Variants in DCLK2 observed in about 807,000 individuals in gnomAD.
The protein encoded by DCLK2 is doublecortin like kinase 2, also known as serine/threonine-protein kinase DCLK2.
DCLK2 carries 31 observed loss-of-function variants against 78.4 expected under a neutral mutation model. The observed-to-expected ratio is 0.40, with a 90% CI of 0.30 to 0.53. The LOEUF (loss-of-function observed/expected upper bound fraction) is 0.53. Ranked by LOEUF, DCLK2 falls within the 20% of genes least tolerant of loss-of-function variation. DCLK2 has a pLI of 0.61. For synonymous variants in DCLK2, 407 were observed against 374.9 expected, an observed-to-expected ratio of 1.09 and a Z score of -0.99; for missense variants, 872 against 973.7, an observed-to-expected ratio of 0.90 and a Z score of 1.39.
intron 1 of DCLK2, among the ~76,000 whole-genome samples, chr4:150,084,921 A>C (rs950512482): frequency 1.3e-5 from 2 of 152,104 alleles, no homozygotes; most frequent in African/African-American, 4.8e-5. Flanking sequence ...CCATTACCGT[A>C]AGGATTAGAG....
intron 10 of DCLK2, among the ~76,000 whole-genome samples, chr4:150,233,301 T>G (rs1473204092): frequency 6.6e-6 from 1 of 152,208 alleles, no homozygotes; most frequent in Non-Finnish European, 1.5e-5. Context: ...GCTTCCATAA[T>G]CAAGTCACCT....
At chr4:150,195,587 G>T (rs1738977295) in intron 3 of DCLK2, among the ~76,000 whole-genome samples, 1 of 137,108 alleles carries the variant, frequency 7.3e-6, no homozygotes, top group South Asian at 2.3e-4. Flanking sequence ...TGAAAGCTGA[G>T]CCACTGAAAC....
intron 2 of DCLK2, among the ~76,000 whole-genome samples, chr4:150,190,033 T>TGAAAAAAAAAAAAAAAAAAAAA (rs1738280164): frequency 2.1e-4 from 1 of 4,676 alleles, no homozygotes; most frequent in Non-Finnish European, 9.8e-4. Flanking sequence ...AGACCCTGTC[T>TGAAAAAAAAAAAAAAAAAAAAA]CAAAAAAAAA....
At chr4:150,240,144 G>A (rs747075925) in intron 11 of DCLK2, among the ~76,000 whole-genome samples, 1 of 152,142 alleles carries the variant, frequency 6.6e-6, no homozygotes, top group Non-Finnish European at 1.5e-5. Context: ...ATGCTTACCT[G>A]GCCAGAGCCC....
intron 2 of DCLK2, among the ~76,000 whole-genome samples, chr4:150,134,076 CTTTT>C (rs768954755): frequency 4.2e-5 from 4 of 94,848 alleles, no homozygotes; most frequent in South Asian, 3.6e-4. Flanking sequence ...CGTATAAACT[CTTTT>C]TTTTTTTTTT....
intron 1 of DCLK2, 45 bp from the exon 2 acceptor site, chr4:150,102,433 A>G: frequency 2.5e-6 from 4 of 1,575,172 alleles, no homozygotes; most frequent in Non-Finnish European, 3.5e-6. Flanking sequence ...AAATGCTTCT[A>G]TGATAGAGAT....
intron 2 of DCLK2, among the ~76,000 whole-genome samples, chr4:150,130,469 A>G (rs560405117): frequency 6.6e-6 from 1 of 152,080 alleles, no homozygotes; most frequent in Non-Finnish European, 1.5e-5. Context: ...ACGAACATGC[A>G]TGCACGTACA....
At chr4:150,244,596 A>G (rs17631959) in intron 12 of DCLK2, among the ~76,000 whole-genome samples, 96 of 152,288 alleles carry the variant, frequency 6.3e-4, no homozygotes, top group Admixed American at 2.5e-3. Flanking sequence ...CAAAGGCTAT[A>G]TTGTTTTAGA....
chr4:150,134,076 CTTTTTTTT>C (rs768954755), intron 2 of DCLK2, among the ~76,000 whole-genome samples: 3 of 94,850 alleles, frequency 3.2e-5, no homozygotes, highest in Non-Finnish European at 6.0e-5. Flanking sequence ...CGTATAAACT[CTTTTTTTT>C]TTTTTTTTTT....
intron 5 of DCLK2, among the ~76,000 whole-genome samples, chr4:150,214,364 G>A (rs1279686192): frequency 6.6e-6 from 1 of 152,178 alleles, no homozygotes; most frequent in Non-Finnish European, 1.5e-5. Context: ...TAAGATGTGA[G>A]GAAAGAATGG....
At chr4:150,226,869 A>G (rs961891189) in intron 8 of DCLK2, among the ~76,000 whole-genome samples, 6 of 152,202 alleles carry the variant, frequency 3.9e-5, no homozygotes, top group African/African-American at 1.2e-4. Flanking sequence ...AAAAAATTAT[A>G]TAGAGAATTT....
Position 150,246,131 on chromosome 4 carries a change from G to A in DCLK2, c.1779-1472G>A, listed in dbSNP as rs1047545947. Among the ~76,000 whole-genome samples, 7 of 150,636 alleles carry A rather than the reference G, an allele frequency of 4.6e-5. No individual in the cohort carries two copies. In the East Asian group the frequency reaches 5.9e-4, roughly 13 times the overall value. On this transcript the variant is annotated intron_variant, in intron 12 of 15. Coordinates refer to ENST00000296550, the MANE Select transcript of DCLK2 (RefSeq NM_001040260.4). Reference sequence around the variant, plus strand: ...GCGATCTCAGCTCACTGCAACCTCCGCCTCCCAGGTTCAAGGGATTCTCCT... The same window carrying A: ...GCGATCTCAGCTCACTGCAACCTCCACCTCCCAGGTTCAAGGGATTCTCCT...
chr4:150,254,960 G>A (rs1744455146), intron 15 of DCLK2, among the ~76,000 whole-genome samples: 1 of 152,164 alleles, frequency 6.6e-6, no homozygotes, highest in African/African-American at 2.4e-5. Context: ...TTACAGGTGT[G>A]AGCCACTGCA....
Position 150,102,494 on chromosome 4 carries a change from T to C in DCLK2, c.438T>C (p.Cys146=). The C allele has an allele frequency of 6.2e-7, 1 of 1,613,198 alleles. No individual in the cohort carries two copies. Among genetic ancestry groups the C allele is most frequent in the South Asian group, 1.1e-5 (1 of 91,048 alleles). Residue 146 remains cysteine, a synonymous_variant, in exon 2 of 16, where the codon TGT becomes TGC. Coordinates refer to ENST00000296550, the MANE Select transcript of DCLK2 (RefSeq NM_001040260.4). ...DELLEGESYV[C]ASNEPFRKVD... Reference sequence around the variant, plus strand: ...GCTTTTTAGGTGAGAGTTACGTGTGTGCATCCAATGAACCATTTCGTAAAG... The same window carrying C: ...GCTTTTTAGGTGAGAGTTACGTGTGCGCATCCAATGAACCATTTCGTAAAG...
chr4:150,235,034 C>G (rs930050245), intron 10 of DCLK2, among the ~76,000 whole-genome samples: 5 of 152,174 alleles, frequency 3.3e-5, no homozygotes, highest in Admixed American at 3.3e-4. Context: ...GCTTCCTGCT[C>G]TCCACAACCT....
In DCLK2 at chr4:150,198,919, C is replaced by G; in HGVS notation, c.961+816C>G. 4 of 617,452 alleles carry G rather than the reference C, an allele frequency of 6.5e-6. 1 individual carries two copies. Among genetic ancestry groups the G allele is most frequent in the South Asian group, 2.2e-5 (1 of 44,900 alleles). The allele number at this position is 617,452 out of a possible 1,614,324, so 38.2% of individuals were successfully genotyped here. The stretch of plus-strand genomic sequence containing the variant: ...CCTTTCCCCTTTCAGCACCCCCCCC[C>G]CCACTTTCTGTAGGGCAGGTCGTTT... On this transcript the variant is annotated intron_variant, in intron 4 of 15. Transcript: ENST00000296550.
chr4:150,241,237 CTGAG>C (rs1266897643), intron 12 of DCLK2, among the ~76,000 whole-genome samples: 2 of 152,200 alleles, frequency 1.3e-5, no homozygotes, highest in Admixed American at 6.5e-5. Context: ...AATACACAGA[CTGAG>C]TGAGTCTTGG....
At chr4:150,163,371 C>T (rs979135890) in intron 2 of DCLK2, among the ~76,000 whole-genome samples, 1 of 151,996 alleles carries the variant, frequency 6.6e-6, no homozygotes, top group African/African-American at 2.4e-5. Context: ...GCACTCCAGC[C>T]TGGGTGACAG....
At chr4:150,210,603 C>T (rs1560873049) in intron 5 of DCLK2, among the ~76,000 whole-genome samples, 1 of 151,928 alleles carries the variant, frequency 6.6e-6, no homozygotes, top group Non-Finnish European at 1.5e-5. Flanking sequence ...CGCACCACTG[C>T]ACTCCAGCTT....
Sources: allele counts gnomAD v4.1 joint callset (sites outside exome capture counted in the v4.1 genomes callset), GRCh38; gene constraint gnomAD v4.1.1; transcripts MANE v1.5; gene names NCBI Gene and HGNC (gene_info 2026-07-23, HGNC 2026-07-21).